The following TMEM254 variants were observed in gnomAD, a reference collection of about 807,000 sequenced individuals.
TMEM254 encodes transmembrane protein C10orf57.
A neutral mutation model predicts 13.9 loss-of-function variants in TMEM254; 16 were observed. The ratio of observed to expected loss-of-function variants is 1.15; its 90% CI spans 0.78 to 1.75. The LOEUF (loss-of-function observed/expected upper bound fraction) is 1.75. TMEM254 is among the 40% of genes most tolerant of loss of function. The pLI, the probability that TMEM254 is intolerant of heterozygous loss-of-function variation, is 0.00. For missense variants in TMEM254, 155 were observed against 149.0 expected (o/e 1.04, Z -0.21); for synonymous variants, 61 against 56.4 (o/e 1.08, Z -0.36).
At chr10:80,088,497 C>G (rs1002392803) in intron 3 of TMEM254, among the ~76,000 whole-genome samples, 17 of 149,208 alleles carry the variant, frequency 1.1e-4, no homozygotes, top group African/African-American at 4.2e-4. Flanking sequence ...ATTGAGTCTT[C>G]TAAATGATGA....
At chr10:80,081,745 A>G in intron 1 of TMEM254, 96 bp from the exon 2 acceptor site, 1 of 1,609,474 alleles carries the variant, frequency 6.2e-7, no homozygotes. Context: ...GTCTGTGGTA[A>G]TTTTTTTACT....
intron 3 of TMEM254, 86 bp from the exon 4 acceptor site, chr10:80,090,711 T>A (rs1844539156): frequency 5.3e-6 from 7 of 1,311,328 alleles, no homozygotes; most frequent in African/African-American, 1.5e-5. Flanking sequence ...AGGTATAATT[T>A]AAAAAATATA....
intron 1 of TMEM254, 41 bp downstream of exon 1, chr10:80,078,827 C>T: frequency 1.9e-6 from 3 of 1,561,228 alleles, no homozygotes; most frequent in Non-Finnish European, 2.6e-6. Context: ...GACGAACGAG[C>T]GAGCGCTCGG....
intron 1 of TMEM254, chr10:80,079,500 A>G (rs1843856039): frequency 2.0e-6 from 2 of 1,019,820 alleles, no homozygotes; most frequent in Non-Finnish European, 1.2e-6. Context: ...GTTTGAGCCA[A>G]TAGGAATTGT....
At chr10:80,079,413 C>G in intron 1 of TMEM254, 1 of 1,079,278 alleles carries the variant, frequency 9.3e-7, no homozygotes, top group Non-Finnish European at 1.1e-6. Flanking sequence ...CGAGCCTAAG[C>G]CTCTCACGAA....
Position 80,078,851 on chromosome 10 carries a change from C to G in TMEM254, c.87+65C>G, listed in dbSNP as rs568205287. Reference sequence around the variant, plus strand: ...GCGAGCGCTCGGTTCACCCCAGGACCTGGGCTCACAGGCCGCGGGCCGGGG... The same window carrying G: ...GCGAGCGCTCGGTTCACCCCAGGACGTGGGCTCACAGGCCGCGGGCCGGGG... On this transcript the variant is annotated intron_variant, in intron 1 of 3. Coordinates refer to ENST00000372281, the MANE Select transcript of TMEM254 (RefSeq NM_025125.4). 6.0e-4 allele frequency: 923 copies of G among 1,544,456 alleles called. 2 individuals are homozygous for G. Among genetic ancestry groups the G allele is most frequent in the Non-Finnish European group, 6.4e-4 (735 of 1,140,482 alleles).
chr10:80,089,952 T>C lies in TMEM254; in HGVS notation c.252-845T>C, dbSNP rs373583649. On this transcript the variant is annotated intron_variant, in intron 3 of 3. Transcript: ENST00000372281. Reference sequence around the variant, plus strand: ...CCCGGGAGGCAGAGCTTGCAGTGAGTCAAGATCGCGCCACTGCACTCCAGC... The same window carrying C: ...CCCGGGAGGCAGAGCTTGCAGTGAGCCAAGATCGCGCCACTGCACTCCAGC... Among the ~76,000 whole-genome samples the C allele has an allele frequency of 5.0e-3, 723 of 144,282 alleles. 9 individuals are homozygous for C. The highest frequency in any genetic ancestry group is 0.018 in the African/African-American group (685 of 38,610). 94.7% of individuals were successfully genotyped at this position (144,282 alleles called of 152,430 possible). A position where few individuals can be genotyped will look rare whatever the true frequency, so the allele number is the denominator to read the frequency against.
chr10:80,079,409 T>G, intron 1 of TMEM254: 1 of 1,079,626 alleles, frequency 9.3e-7, no homozygotes, highest in Non-Finnish European at 1.1e-6. Flanking sequence ...TATCCGAGCC[T>G]AAGCCTCTCA....
chr10:80,084,588 G>T (rs1844217769), intron 3 of TMEM254, among the ~76,000 whole-genome samples: 1 of 152,118 alleles, frequency 6.6e-6, no homozygotes, highest in African/African-American at 2.4e-5. Context: ...AGAGACTCAT[G>T]TCAAGCTCTA....
intron 3 of TMEM254, 79 bp from the exon 4 acceptor site, chr10:80,090,718 T>A (rs576343901): frequency 1.7e-4 from 225 of 1,340,614 alleles, no homozygotes; most frequent in African/African-American, 1.5e-3. Flanking sequence ...ATTTAAAAAA[T>A]ATATATATAG....
intron 3 of TMEM254, among the ~76,000 whole-genome samples, chr10:80,087,613 A>G (rs957098982): frequency 2.6e-5 from 4 of 152,216 alleles, no homozygotes; most frequent in African/African-American, 9.6e-5. Flanking sequence ...AGATCACACC[A>G]CTGCACTCTA....
chr10:80,087,208 T>G (rs765358176), intron 3 of TMEM254, among the ~76,000 whole-genome samples: 1 of 152,210 alleles, frequency 6.6e-6, no homozygotes, highest in Non-Finnish European at 1.5e-5. Context: ...AAAAAATCTT[T>G]CTTCTGATGG....
chr10:80,084,975 G>A (rs528184852), intron 3 of TMEM254, among the ~76,000 whole-genome samples: 16 of 151,992 alleles, frequency 1.1e-4, no homozygotes, highest in East Asian at 5.8e-4. Context: ...ACAGGCGCCC[G>A]CCACCAAGCC....
chr10:80,086,293 GA>G, intron 3 of TMEM254: 1 of 1,449,914 alleles, frequency 6.9e-7, no homozygotes, highest in Non-Finnish European at 9.1e-7. Context: ...ATGACCCCAG[GA>G]AAACCCTTCT....
intron 2 of TMEM254, 59 bp downstream of exon 2, chr10:80,082,003 T>C (rs1250002995): frequency 6.3e-7 from 1 of 1,584,610 alleles, no homozygotes; most frequent in African/African-American, 1.4e-5. Flanking sequence ...ATGGGAAACC[T>C]GGAAGGCCTG....
At chr10:80,079,198 T>TGGGGGGGGG in intron 1 of TMEM254, 1 of 322,124 alleles carries the variant, frequency 3.1e-6, no homozygotes, top group Non-Finnish European at 5.3e-6. Flanking sequence ...AGGCGTGGGG[T>TGGGGGGGGG]GGGGCGGGGC....
chr10:80,084,906 A>C (rs1844234786), intron 3 of TMEM254, among the ~76,000 whole-genome samples: 1 of 151,854 alleles, frequency 6.6e-6, no homozygotes, highest in Non-Finnish European at 1.5e-5. Context: ...GCTCACTGCA[A>C]CCTCTGCCTC....
At position 80,078,674 on chromosome 10, in the gene TMEM254, C is replaced by A; in HGVS notation, c.-26C>A. Reference sequence around the variant, plus strand: ...GCTCGCGCTCGACGGTGTCCTGAAGCGCGCTCCCGGGGAGGTGTTGCAGCC... The same window carrying A: ...GCTCGCGCTCGACGGTGTCCTGAAGAGCGCTCCCGGGGAGGTGTTGCAGCC... On this transcript the variant is annotated 5_prime_UTR_variant, in exon 1 of 4. Coordinates refer to ENST00000372281, the MANE Select transcript of TMEM254 (RefSeq NM_025125.4). 1 of 1,574,128 alleles carries A rather than the reference C, an allele frequency of 6.4e-7. No individual in the cohort carries two copies. The highest frequency in any genetic ancestry group is 2.3e-5 in the East Asian group (1 of 42,858).
intron 3 of TMEM254, among the ~76,000 whole-genome samples, chr10:80,088,909 T>G (rs1844446392): frequency 6.6e-6 from 1 of 151,808 alleles, no homozygotes; most frequent in Non-Finnish European, 1.5e-5. Flanking sequence ...ACTTTTGTTG[T>G]TGTTTTTGTT....
Sources: gnomAD v4.1 joint callset for allele counts (sites outside exome capture counted in the v4.1 genomes callset) on GRCh38, gnomAD v4.1.1 for gene constraint, MANE v1.5 for transcripts, NCBI Gene and HGNC (gene_info 2026-07-23, HGNC 2026-07-21) for gene names.